CXCL13: variants seen among roughly 807,000 people sequenced by gnomAD.
CXCL13 encodes C-X-C motif chemokine 13.
In CXCL13, 7 loss-of-function variants were observed where a neutral mutation model predicts 12.2. The ratio of observed to expected loss-of-function variants is 0.57; its 90% CI spans 0.33 to 1.07. The LOEUF is 1.07. Ranked by LOEUF, CXCL13 falls within the 50% of genes least tolerant of loss-of-function variation. The pLI, the probability that CXCL13 is intolerant of heterozygous loss-of-function variation, is 0.04. For synonymous variants in CXCL13, 47 were observed against 42.4 expected (o/e 1.11, Z -0.42); for missense variants, 113 against 127.4 (o/e 0.89, Z 0.55).
intron 1 of CXCL13, among the ~76,000 whole-genome samples, chr4:77,562,488 G>A (rs1053938483): frequency 1.9e-4 from 29 of 152,212 alleles, no homozygotes; most frequent in African/African-American, 6.7e-4. Flanking sequence ...TCTAGCTCAA[G>A]GTTTGTGAAT....
chr4:77,530,885 C>G (rs1724897008), intron 1 of CXCL13, among the ~76,000 whole-genome samples: 1 of 151,898 alleles, frequency 6.6e-6, no homozygotes, highest in African/African-American at 2.4e-5. Context: ...AATTTTGGAT[C>G]TTTCCTGCTT....
chr4:77,526,434 C>G (rs774883840), intron 1 of CXCL13, among the ~76,000 whole-genome samples: 1 of 151,774 alleles, frequency 6.6e-6, no homozygotes, highest in Non-Finnish European at 1.5e-5. Context: ...TGATGTATGT[C>G]TTAGTTTAAT....
intron 1 of CXCL13, among the ~76,000 whole-genome samples, chr4:77,544,314 A>C (rs1725297368): frequency 6.6e-6 from 1 of 152,164 alleles, no homozygotes; most frequent in South Asian, 2.1e-4. Context: ...TTCTTGAGGA[A>C]TCACCACACT....
chr4:77,538,847 T>G (rs535627062), intron 1 of CXCL13, among the ~76,000 whole-genome samples: 3 of 152,246 alleles, frequency 2.0e-5, no homozygotes, highest in Admixed American at 2.0e-4. Context: ...ACAAGATATG[T>G]TATCGGCAGC....
chr4:77,516,281 T>C (rs979264326), intron 1 of CXCL13, among the ~76,000 whole-genome samples: 9 of 152,158 alleles, frequency 5.9e-5, no homozygotes, highest in Admixed American at 2.6e-4. Flanking sequence ...TTTTTGGTTG[T>C]GTCTCTGCCC....
At chr4:77,570,775 C>G (rs1023973791) in intron 1 of CXCL13, among the ~76,000 whole-genome samples, 1 of 149,462 alleles carries the variant, frequency 6.7e-6, no homozygotes, top group Admixed American at 6.6e-5. Flanking sequence ...GCCGGCCCTG[C>G]CGGCCCTGGG....
intron 1 of CXCL13, among the ~76,000 whole-genome samples, chr4:77,559,935 A>G (rs1725765428): frequency 6.6e-6 from 1 of 151,326 alleles, no homozygotes; most frequent in East Asian, 1.9e-4. Flanking sequence ...AAAAAAAAAA[A>G]AAAAACCTGA....
intron 1 of CXCL13, among the ~76,000 whole-genome samples, chr4:77,557,667 A>C (rs1500503): frequency 6.6e-6 from 1 of 152,104 alleles, no homozygotes; most frequent in Non-Finnish European, 1.5e-5. Flanking sequence ...TATTGTGTGC[A>C]TTGAGCGGGG....
chr4:77,566,835 T>C (rs188434595), intron 1 of CXCL13, among the ~76,000 whole-genome samples: 42 of 152,338 alleles, frequency 2.8e-4, no homozygotes, highest in African/African-American at 9.6e-4. Context: ...TCCAACCAGT[T>C]GTACTTCTTG....
At chr4:77,544,668 T>C (rs1270981192) in intron 1 of CXCL13, among the ~76,000 whole-genome samples, 1 of 152,222 alleles carries the variant, frequency 6.6e-6, no homozygotes, top group Non-Finnish European at 1.5e-5. Flanking sequence ...ATGGGTAGAT[T>C]GCAAAAATTT....
intron 1 of CXCL13, among the ~76,000 whole-genome samples, chr4:77,532,089 A>G (rs556636159): frequency 1.7e-4 from 26 of 152,180 alleles, no homozygotes; most frequent in Non-Finnish European, 3.5e-4. Context: ...TGCTATCATT[A>G]TGATGTTAGC....
rs144100355 is a variant in CXCL13 at position 77,543,848 on chromosome 4, C to T, written c.-43+32060C>T. The stretch of plus-strand genomic sequence containing the variant: ...GTGCCATGTTGGTGTGCTGCACCCA[C>T]TAACTCGTCATTTACATTAGGTATT... On this transcript the variant is annotated intron_variant, in intron 1 of 4. Coordinates refer to the CXCL13 transcript ENST00000286758. 4.4e-3 allele frequency among the ~76,000 whole-genome samples: 668 copies of T among 152,150 alleles called. 16 individuals are homozygous for T. The highest frequency in any genetic ancestry group is 0.026 in the East Asian group (135 of 5,160).
chr4:77,559,596 T>C (rs1436780213), intron 1 of CXCL13, among the ~76,000 whole-genome samples: 1 of 151,880 alleles, frequency 6.6e-6, no homozygotes. Flanking sequence ...ATGCCGTGTG[T>C]GTGTGTGTGT....
chr4:77,604,651 A>G (rs1726959090), upstream of CXCL13, among the ~76,000 whole-genome samples: 1 of 152,112 alleles, frequency 6.6e-6, no homozygotes, highest in Non-Finnish European at 1.5e-5. Flanking sequence ...CTCAAGATCA[A>G]TGAGTGCCCT....
Position 77,576,751 on chromosome 4 carries a change from G to A in CXCL13, c.-42-29073G>A, listed in dbSNP as rs561243610. On this transcript the variant is annotated intron_variant, in intron 1 of 4. Coordinates refer to the CXCL13 transcript ENST00000286758. ...GAGTTCCATCAAAGTCAATCTAAAA[G>A]GCTTATGTAAAAATAATTATTCTTG... 1.1e-4 allele frequency among the ~76,000 whole-genome samples: 16 copies of A among 152,226 alleles called. No homozygotes were observed. In the South Asian group the frequency reaches 1.2e-3, roughly 12 times the overall value.
chr4:77,605,792 A>G, upstream of CXCL13: 1 of 881,580 alleles, frequency 1.1e-6, no homozygotes, highest in Non-Finnish European at 1.8e-6. Context: ...TGGTATAAAT[A>G]AATAGGAGTC....
chr4:77,564,971 G>C (rs1379154886), intron 1 of CXCL13, among the ~76,000 whole-genome samples: 2 of 152,146 alleles, frequency 1.3e-5, no homozygotes, highest in African/African-American at 2.4e-5. Context: ...GGGTTTTCCT[G>C]GACCCATTTT....
At chr4:77,584,031 A>G (rs562088397) in intron 1 of CXCL13, among the ~76,000 whole-genome samples, 49 of 152,282 alleles carry the variant, frequency 3.2e-4, no homozygotes, top group African/African-American at 1.2e-3. Flanking sequence ...TGGGCTAAGG[A>G]TGCCACTGAG....
chr4:77,581,064 G>C (rs548531930), intron 1 of CXCL13, among the ~76,000 whole-genome samples: 4 of 152,008 alleles, frequency 2.6e-5, no homozygotes, highest in Non-Finnish European at 5.9e-5. Flanking sequence ...TATAGAGAAC[G>C]TAGGTTAGTG....
Sources: allele counts gnomAD v4.1 joint callset (sites outside exome capture counted in the v4.1 genomes callset), GRCh38; gene constraint gnomAD v4.1.1; transcripts MANE v1.5; gene names NCBI Gene and HGNC (gene_info 2026-07-23, HGNC 2026-07-21).